The following PCDH15 variants were observed in gnomAD, a reference collection of about 807,000 sequenced individuals.
PCDH15 encodes protocadherin related 15, also known as protocadherin-15.
A neutral mutation model predicts 178.5 loss-of-function variants in PCDH15; 129 were observed. The ratio of observed to expected loss-of-function variants is 0.72; its 90% CI spans 0.63 to 0.84. The LOEUF (loss-of-function observed/expected upper bound fraction) is 0.84, where lower values mean the gene tolerates loss of function less well. Ranked by LOEUF, PCDH15 falls within the 40% of genes least tolerant of loss-of-function variation. The pLI, the probability that PCDH15 is intolerant of heterozygous loss-of-function variation, is 0.00. For missense variants in PCDH15, 2,230 were observed against 2,099.9 expected (o/e 1.06, Z -1.21); for synonymous variants, 800 against 732.0 (o/e 1.09, Z -1.50).
intron 1 of PCDH15, among the ~76,000 whole-genome samples, chr10:55,205,623 C>T (rs1351134260): frequency 1.3e-5 from 2 of 151,916 alleles, no homozygotes; most frequent in East Asian, 3.9e-4. Flanking sequence ...TTATTGCTTT[C>T]AAAATTTGTC....
intron 23 of PCDH15, among the ~76,000 whole-genome samples, chr10:53,942,497 A>G (rs539921622): frequency 3.3e-5 from 5 of 152,190 alleles, no homozygotes; most frequent in Non-Finnish European, 5.9e-5. Flanking sequence ...CAATGGACAT[A>G]CTACATAAGA....
intron 2 of PCDH15, among the ~76,000 whole-genome samples, chr10:54,550,772 T>TAGCAATCCAGCTATTATA (rs2086482386): frequency 6.6e-6 from 1 of 152,228 alleles, no homozygotes; most frequent in Admixed American, 6.5e-5. Flanking sequence ...AATCTTTTAA[T>TAGCAATCCAGCTATTATA]GCTAGGTGAA....
At chr10:53,925,052 T>TG (rs1240657239) in intron 25 of PCDH15, among the ~76,000 whole-genome samples, 3 of 152,078 alleles carry the variant, frequency 2.0e-5, no homozygotes, top group Non-Finnish European at 2.9e-5. Context: ...AGGATGTGGG[T>TG]GGGGCCACAT....
chr10:54,800,734 A>T (rs1441518864), intron 1 of PCDH15, among the ~76,000 whole-genome samples, 191 bp downstream of exon 1: 3 of 152,214 alleles, frequency 2.0e-5, no homozygotes, highest in Non-Finnish European at 4.4e-5. Flanking sequence ...GAATGAAAGG[A>T]CAGGCAGTTG....
At chr10:54,742,684 C>G (rs1944962722) in intron 1 of PCDH15, among the ~76,000 whole-genome samples, 1 of 151,922 alleles carries the variant, frequency 6.6e-6, no homozygotes, top group African/African-American at 2.4e-5. Context: ...GGGACATGTT[C>G]TTTCTTCAAA....
chr10:54,374,114 T>C (rs1295065140), intron 4 of PCDH15, among the ~76,000 whole-genome samples: 1 of 152,068 alleles, frequency 6.6e-6, no homozygotes, highest in African/African-American at 2.4e-5. Flanking sequence ...ACTCTGGTTG[T>C]AGAATAGGTT....
chr10:55,274,650 G>A (rs972537366), intron 1 of PCDH15, among the ~76,000 whole-genome samples: 7 of 152,022 alleles, frequency 4.6e-5, no homozygotes, highest in African/African-American at 1.7e-4. Context: ...CTTATACCGT[G>A]TATTAAAAGC....
intron 1 of PCDH15, among the ~76,000 whole-genome samples, chr10:55,291,114 C>A (rs558669553): frequency 2.6e-5 from 4 of 152,052 alleles, no homozygotes; most frequent in African/African-American, 9.7e-5. Flanking sequence ...TCTTTCCCCC[C>A]GGCCCCTCCC....
chr10:54,345,381 A>G (rs1943070989), intron 6 of PCDH15, among the ~76,000 whole-genome samples: 1 of 152,060 alleles, frequency 6.6e-6, no homozygotes. Flanking sequence ...ACCATTGTTT[A>G]TATTTCTAAT....
intron 2 of PCDH15, among the ~76,000 whole-genome samples, chr10:55,064,783 TTA>T (rs1841521568): frequency 6.6e-6 from 1 of 152,054 alleles, no homozygotes; most frequent in African/African-American, 2.4e-5. Context: ...TAGTACCAAT[TTA>T]TACTTGTGAA....
intron 25 of PCDH15, among the ~76,000 whole-genome samples, chr10:53,919,577 T>A (rs2083822060): frequency 6.6e-6 from 1 of 152,136 alleles, no homozygotes; most frequent in African/African-American, 2.4e-5. Flanking sequence ...CTTGGAGGGA[T>A]TAAATAACAT....
At chr10:54,137,578 C>T (rs989230717) in intron 14 of PCDH15, among the ~76,000 whole-genome samples, 1 of 152,172 alleles carries the variant, frequency 6.6e-6, no homozygotes, top group Non-Finnish European at 1.5e-5. Context: ...CTCACCAGAT[C>T]ACCACATCCG....
intron 1 of PCDH15, among the ~76,000 whole-genome samples, chr10:55,251,924 A>G (rs1841847963): frequency 6.6e-6 from 1 of 151,282 alleles, no homozygotes; most frequent in African/African-American, 2.4e-5. Context: ...TTTACTTGTC[A>G]AAACAAAACA....
At chr10:54,782,837 C>T (rs1950505639) in intron 1 of PCDH15, among the ~76,000 whole-genome samples, 1 of 152,048 alleles carries the variant, frequency 6.6e-6, no homozygotes, top group Admixed American at 6.6e-5. Context: ...CAACTGTAGT[C>T]TATGCTACCA....
At chr10:55,596,767 G>C (rs1259889124) in intron 2 of PCDH15, among the ~76,000 whole-genome samples, 1 of 151,996 alleles carries the variant, frequency 6.6e-6, no homozygotes, top group East Asian at 1.9e-4. Context: ...TGTTATATCT[G>C]ATGCCATTAT....
chr10:53,821,380 T>G, intron 32 of PCDH15: 1 of 994,836 alleles, frequency 1.0e-6, no homozygotes, highest in Non-Finnish European at 1.2e-6. Flanking sequence ...TTCGGTAGTA[T>G]TTCTTCTTAC....
intron 2 of PCDH15, among the ~76,000 whole-genome samples, chr10:55,365,534 C>A (rs760795007): frequency 1.3e-5 from 2 of 152,064 alleles, no homozygotes; most frequent in Non-Finnish European, 2.9e-5. Flanking sequence ...ACCCAAATCT[C>A]ATCTTGAATT....
chr10:55,283,937 GTAAAC>G (rs1348680120), intron 1 of PCDH15, among the ~76,000 whole-genome samples: 5 of 151,416 alleles, frequency 3.3e-5, no homozygotes, highest in Non-Finnish European at 7.4e-5. Context: ...TATTTGTTCT[GTAAAC>G]TATGCAAATC....
Position 54,624,933 on chromosome 10 carries a change from T to C in PCDH15, c.91+39239A>G, listed in dbSNP as rs538816367. Among the ~76,000 whole-genome samples, 63 of 152,350 alleles carry C rather than the reference T, an allele frequency of 4.1e-4. 2 individuals are homozygous for C. Among genetic ancestry groups the C allele is most frequent in the South Asian group, 4.1e-4 (2 of 4,828 alleles). ...ATTGATTCTACATTATGGTGAGTTATATAATTATTTCATTACATATTACAA... is the reference window on the plus strand; with the variant it reads ...ATTGATTCTACATTATGGTGAGTTACATAATTATTTCATTACATATTACAA... On this transcript the variant is annotated intron_variant, in intron 2 of 37. Transcript: ENST00000644397.
Sources: gnomAD v4.1 joint callset for allele counts (sites outside exome capture counted in the v4.1 genomes callset) on GRCh38, gnomAD v4.1.1 for gene constraint, MANE v1.5 for transcripts, NCBI Gene and HGNC (gene_info 2026-07-23, HGNC 2026-07-21) for gene names.